Variants in TMEM170B observed in about 807,000 individuals in gnomAD.
TMEM170B encodes the protein transmembrane protein 170B.
In TMEM170B, 6 loss-of-function variants were observed where a neutral mutation model predicts 13.0. The ratio of observed to expected loss-of-function variants is 0.46; its 90% CI spans 0.25 to 0.91. TMEM170B has a LOEUF of 0.91. TMEM170B is among the 40% of genes least tolerant of loss of function. TMEM170B has a pLI of 0.17. For missense variants in TMEM170B, 138 were observed against 165.2 expected (o/e 0.84, Z 0.90); for synonymous variants, 61 against 64.9 (o/e 0.94, Z 0.29).
At chr6:11,568,602 A>G (rs535487116) in intron 2 of TMEM170B, among the ~76,000 whole-genome samples, 13 of 152,196 alleles carry the variant, frequency 8.5e-5, no homozygotes, top group Non-Finnish European at 1.5e-4. Context: ...TTATATTTTT[A>G]AATCCTTAAA....
chr6:11,567,501 G>T (rs1217184036), intron 2 of TMEM170B, among the ~76,000 whole-genome samples: 1 of 152,144 alleles, frequency 6.6e-6, no homozygotes, highest in Non-Finnish European at 1.5e-5. Flanking sequence ...GACATCCTTT[G>T]TCTTGAGAGG....
chr6:11,541,190 T>C (rs1181271516), intron 1 of TMEM170B, among the ~76,000 whole-genome samples: 2 of 152,218 alleles, frequency 1.3e-5, no homozygotes, highest in African/African-American at 4.8e-5. Flanking sequence ...AGTCAGCCTG[T>C]CCTTTGAAGC....
chr6:11,563,421 T>G (rs56382227), intron 1 of TMEM170B, among the ~76,000 whole-genome samples: 14,425 of 152,092 alleles, frequency 0.095, 789 homozygotes, highest in African/African-American at 0.14. Flanking sequence ...GGATACCAAC[T>G]GGGTGTCCTA....
rs1273507908 is a variant in TMEM170B, at chr6:11,576,342, A to G, written c.*781A>G. The stretch of plus-strand genomic sequence containing the variant: ...TTGAAGGGTCATACACATTGATTGT[A>G]GTTTGTGCGTCATAAAAATGTAATT... On this transcript the variant is annotated 3_prime_UTR_variant, in exon 3 of 3. Coordinates refer to ENST00000379426, the MANE Select transcript of TMEM170B (RefSeq NM_001100829.3). 6.6e-6 allele frequency: 1 copy of G among 152,186 alleles called. No individual in the cohort carries two copies. Among genetic ancestry groups the G allele is most frequent in the African/African-American group, 2.4e-5 (1 of 41,442 alleles). The allele number at this position is 152,186 out of a possible 1,614,324, so 9.4% of individuals were successfully genotyped here.
chr6:11,550,598 C>A (rs578186649), intron 1 of TMEM170B, among the ~76,000 whole-genome samples: 3 of 152,090 alleles, frequency 2.0e-5, no homozygotes, highest in African/African-American at 7.2e-5. Context: ...AGAAATTTTA[C>A]TTTTAGTAGT....
At chr6:11,540,232 T>C (rs1347063758) in intron 1 of TMEM170B, among the ~76,000 whole-genome samples, 1 of 152,224 alleles carries the variant, frequency 6.6e-6, no homozygotes, top group Admixed American at 6.5e-5. Context: ...CAATAGACTC[T>C]TCCTTTCATG....
intron 1 of TMEM170B, among the ~76,000 whole-genome samples, chr6:11,546,538 G>A (rs1759443270): frequency 6.6e-6 from 1 of 152,118 alleles, no homozygotes. Flanking sequence ...AGTTTCACCT[G>A]GAGCAACTTC....
chr6:11,565,876 T>G (rs754545979), intron 2 of TMEM170B, 40 bp downstream of exon 2: 1 of 1,586,300 alleles, frequency 6.3e-7, no homozygotes, highest in South Asian at 1.1e-5. Context: ...TAAGTTTGTA[T>G]ACACTTACCA....
intron 1 of TMEM170B, among the ~76,000 whole-genome samples, chr6:11,542,277 C>A (rs78862547): frequency 2.6e-5 from 4 of 152,146 alleles, no homozygotes; most frequent in African/African-American, 9.7e-5. Context: ...GTAAATGTAA[C>A]TTAACTCCTG....
In TMEM170B at chr6:11,575,255, T is replaced by C. The variant is rs543786506; in HGVS notation, c.269-176T>C. On this transcript the variant is annotated intron_variant, in intron 2 of 2. Transcript: ENST00000379426. This position sits in a 1 kb window ranked among gnomAD's most constrained non-coding sequence, Gnocchi z 4.1. Reference sequence around the variant, plus strand: ...TTCAAATAAGTGGCTAAGTGTATTATGGTAAGTTGTAACTTTCACCAATCA... The same window carrying C: ...TTCAAATAAGTGGCTAAGTGTATTACGGTAAGTTGTAACTTTCACCAATCA... Among the ~76,000 whole-genome samples the C allele has an allele frequency of 6.6e-6, 1 of 152,300 alleles. No homozygotes were observed. Among genetic ancestry groups the C allele is most frequent in the South Asian group, 2.1e-4 (1 of 4,832 alleles).
Position 11,538,294 on chromosome 6 carries a change from G to T in TMEM170B, c.17G>T (p.Gly6Val). The change falls in exon 1 of 3, where the codon GGC (glycine) becomes GTC (valine). Residue 6 changes from glycine (G) to valine (V), a missense_variant. Physicochemically the swap from Gly to Val is moderately radical, Grantham distance 109. Transcript: ENST00000379426. MKAEG[G>V]DHSMINLSVQ... The stretch of plus-strand genomic sequence containing the variant: ...TCGGGGAAGATGAAGGCGGAGGGGG[G>T]CGACCACTCCATGATCAACCTGTCG... 7.0e-7 allele frequency: 1 copy of T among 1,436,440 alleles called. No homozygotes were observed. Among genetic ancestry groups the T allele is most frequent in the Non-Finnish European group, 9.1e-7 (1 of 1,096,192 alleles). 89.0% of individuals were successfully genotyped at this position (1,436,440 alleles called of 1,614,324 possible). A position where few individuals can be genotyped will look rare whatever the true frequency, so the allele number is the denominator to read the frequency against.
At chr6:11,571,437 T>C (rs1759800641) in intron 2 of TMEM170B, among the ~76,000 whole-genome samples, 2 of 152,304 alleles carry the variant, frequency 1.3e-5, no homozygotes, top group South Asian at 2.1e-4. Context: ...TTCTGTCTGC[T>C]GATGACTCTC....
At chr6:11,553,425 CCTT>C (rs1759549689) in intron 1 of TMEM170B, among the ~76,000 whole-genome samples, 1 of 152,058 alleles carries the variant, frequency 6.6e-6, no homozygotes, top group Non-Finnish European at 1.5e-5. Context: ...TTTCCACCTC[CCTT>C]CTTGGATAAT....
intron 1 of TMEM170B, among the ~76,000 whole-genome samples, chr6:11,559,675 A>G (rs762244033): frequency 1.3e-5 from 2 of 152,124 alleles, no homozygotes; most frequent in African/African-American, 4.8e-5. Context: ...CATGTCCCCA[A>G]ATTCAGAAGT....
intron 1 of TMEM170B, among the ~76,000 whole-genome samples, chr6:11,540,153 A>G (rs569936443): frequency 7.9e-5 from 12 of 152,264 alleles, no homozygotes; most frequent in Admixed American, 2.6e-4. Context: ...GATCAAGGTG[A>G]TGATTGCTGG....
At position 11,577,337 on chromosome 6, in the gene TMEM170B, G is replaced by A. The variant is rs1368601667; in HGVS notation, c.*1776G>A. ...TCTTAAAATTGATTATTTTTATTAT[G>A]TACAGGCCTGAAATTGTTTTCATGT... On this transcript the variant is annotated 3_prime_UTR_variant, in exon 3 of 3. Transcript: ENST00000379426. 1 of 152,022 alleles carries A rather than the reference G, an allele frequency of 6.6e-6. No individual in the cohort carries two copies. The highest frequency in any genetic ancestry group is 2.4e-5 in the African/African-American group (1 of 41,416). 9.4% of individuals were successfully genotyped at this position (152,022 alleles called of 1,614,324 possible).
intron 1 of TMEM170B, among the ~76,000 whole-genome samples, chr6:11,547,955 T>C (rs944254622): frequency 6.6e-6 from 1 of 152,016 alleles, no homozygotes; most frequent in African/African-American, 2.4e-5. Flanking sequence ...TGAAGAGGAG[T>C]CACAATTTCT....
At chr6:11,549,435 G>A (rs547024184) in intron 1 of TMEM170B, among the ~76,000 whole-genome samples, 31 of 152,282 alleles carry the variant, frequency 2.0e-4, no homozygotes, top group African/African-American at 7.2e-4. Context: ...AGGCAGAGGT[G>A]GGTGGATCAC....
intron 1 of TMEM170B, among the ~76,000 whole-genome samples, chr6:11,543,849 A>G (rs1759394526): frequency 6.6e-6 from 1 of 152,184 alleles, no homozygotes; most frequent in South Asian, 2.1e-4. Flanking sequence ...CACCTTGTGT[A>G]TTATCCCAAT....
Sources: gnomAD v4.1 joint callset for allele counts (sites outside exome capture counted in the v4.1 genomes callset) on GRCh38, gnomAD v4.1.1 for gene constraint, Gnocchi (gnomAD v3.1) non-coding constraint, MANE v1.5 for transcripts, NCBI Gene and HGNC (gene_info 2026-07-23, HGNC 2026-07-21) for gene names.